The following RANBP3L variants were observed in gnomAD, a reference collection of about 807,000 sequenced individuals.
The protein encoded by RANBP3L is ran-binding protein 3-like.
A neutral mutation model predicts 67.2 loss-of-function variants in RANBP3L; 56 were observed. The ratio of observed to expected loss-of-function variants is 0.83; its 90% CI spans 0.67 to 1.04. The LOEUF is 1.04. RANBP3L is among the 50% of genes least tolerant of loss of function. The pLI, the probability that RANBP3L is intolerant of heterozygous loss-of-function variation, is 0.00. For missense variants in RANBP3L, 496 were observed against 535.5 expected (o/e 0.93, Z 0.73); for synonymous variants, 164 against 181.4 (o/e 0.90, Z 0.77).
At chr5:36,295,628 G>A (rs997965961) in intron 1 of RANBP3L, among the ~76,000 whole-genome samples, 1 of 150,020 alleles carries the variant, frequency 6.7e-6, no homozygotes, top group African/African-American at 2.5e-5. Flanking sequence ...AACAGTGCAC[G>A]AGGTTCCAAT....
chr5:36,286,829 G>GA (rs1379277325), intron 1 of RANBP3L, among the ~76,000 whole-genome samples: 1 of 152,122 alleles, frequency 6.6e-6, no homozygotes, highest in Non-Finnish European at 1.5e-5. Context: ...GATGTGGCAT[G>GA]ACCCACTCCC....
rs200289418 is a variant in RANBP3L at position 36,262,681 on chromosome 5, CG to C, written c.481-640del. Among the ~76,000 whole-genome samples the C allele has an allele frequency of 8.1e-3, 1,237 of 151,946 alleles. 10 individuals carry two copies. The highest frequency in any genetic ancestry group is 0.013 in the Non-Finnish European group (857 of 67,938). ...AGGAATTTGCAAAGATGTTTCAGGG[CG>C]TTTGTGTCTTTTAAAGCCAGATGGG... On this transcript the variant is annotated intron_variant, in intron 6 of 13. Transcript: ENST00000296604.
At chr5:36,273,065 T>C (rs1320591346) in intron 1 of RANBP3L, among the ~76,000 whole-genome samples, 2 of 152,216 alleles carry the variant, frequency 1.3e-5, no homozygotes, top group Non-Finnish European at 2.9e-5. Flanking sequence ...GCTCAATTCT[T>C]TGTTGTTTCT....
chr5:36,279,805 A>G (rs1750847903), intron 1 of RANBP3L, among the ~76,000 whole-genome samples: 1 of 152,198 alleles, frequency 6.6e-6, no homozygotes, highest in South Asian at 2.1e-4. Context: ...AACTCTGGGA[A>G]ATCTAGCATT....
intron 6 of RANBP3L, among the ~76,000 whole-genome samples, chr5:36,262,521 C>T (rs1749470363): frequency 1.3e-5 from 2 of 152,170 alleles, no homozygotes; most frequent in Non-Finnish European, 2.9e-5. Context: ...GTAACTTATC[C>T]AGTTACTTTG....
intron 1 of RANBP3L, 72 bp downstream of exon 1, chr5:36,301,246 TCACCAGCC>T (rs1752588341): frequency 9.3e-7 from 1 of 1,072,450 alleles, no homozygotes. Context: ...CCCGGGTCCT[TCACCAGCC>T]CACCATTCTT....
chr5:36,271,302 A>T lies in RANBP3L; in HGVS notation c.101T>A (p.Val34Asp). ...AAAAACAAATATGGGTTGAGCAATG[A>T]CAGATTTTTCTGTGAAAAAAAAGAA... The part of the protein sequence containing the change: ...QEDRRQQEKS[V>D]IAQPIFVFEK... The change falls in exon 2 of 14, where the codon GTC becomes GAC. Residue 34 changes from valine to aspartate, a missense_variant. By Grantham distance (152) the Val-to-Asp change is radical (BLOSUM62 -3). Transcript: ENST00000296604. The T allele has an allele frequency of 3.2e-6, 5 of 1,583,500 alleles. No homozygotes were observed. Among genetic ancestry groups the T allele is most frequent in the Non-Finnish European group, 4.3e-6 (5 of 1,153,990 alleles).
chr5:36,300,468 A>G (rs1322386980), intron 1 of RANBP3L, among the ~76,000 whole-genome samples: 1 of 152,188 alleles, frequency 6.6e-6, no homozygotes, highest in Non-Finnish European at 1.5e-5. Flanking sequence ...CACTCTCCAC[A>G]CCACTGAAAT....
intron 1 of RANBP3L, among the ~76,000 whole-genome samples, chr5:36,298,171 G>A (rs1013156957): frequency 3.3e-5 from 5 of 151,782 alleles, no homozygotes; most frequent in Non-Finnish European, 7.4e-5. Flanking sequence ...ATGGTGGAGT[G>A]TGCCTGTAGT....
intron 1 of RANBP3L, among the ~76,000 whole-genome samples, chr5:36,280,704 G>A (rs907111263): frequency 6.6e-6 from 1 of 152,162 alleles, no homozygotes; most frequent in African/African-American, 2.4e-5. Flanking sequence ...TCAGGGACTA[G>A]AATGGTTTTA....
At chr5:36,288,142 G>A (rs1038698388) in intron 1 of RANBP3L, among the ~76,000 whole-genome samples, 1 of 152,162 alleles carries the variant, frequency 6.6e-6, no homozygotes, top group African/African-American at 2.4e-5. Context: ...TTGCCCCAGT[G>A]TGTTCCTTGT....
intron 1 of RANBP3L, among the ~76,000 whole-genome samples, chr5:36,297,244 T>C (rs1251713858): frequency 6.6e-6 from 1 of 152,170 alleles, no homozygotes; most frequent in Non-Finnish European, 1.5e-5. Flanking sequence ...ATATATTTAC[T>C]GTTTATTAAG....
chr5:36,262,767 T>C (rs576682188), intron 6 of RANBP3L, among the ~76,000 whole-genome samples: 27 of 152,296 alleles, frequency 1.8e-4, no homozygotes, highest in Admixed American at 3.9e-4. Flanking sequence ...TACTTTTTCT[T>C]TTTTAACAAG....
intron 12 of RANBP3L, among the ~76,000 whole-genome samples, chr5:36,252,961 TAA>T (rs1426165144): frequency 2.0e-5 from 3 of 152,122 alleles, no homozygotes; most frequent in African/African-American, 7.2e-5. Context: ...TGAACTTGGG[TAA>T]TCAGTCTTCT....
At position 36,254,397 on chromosome 5, in the gene RANBP3L, A is replaced by T. The variant is rs193037017; in HGVS notation, c.1025-608T>A. On this transcript the variant is annotated intron_variant, in intron 11 of 13. Transcript: ENST00000296604. ...AGGCCTTTAAGTGACTTTAAAAAAA[A>T]TTTTTTCAATCCATGCTTTCTGTTT... Among the ~76,000 whole-genome samples the T allele has an allele frequency of 2.7e-3, 414 of 152,134 alleles. 1 individual carries two copies. The highest frequency in any genetic ancestry group is 7.0e-3 in the East Asian group (36 of 5,178).
intron 1 of RANBP3L, among the ~76,000 whole-genome samples, chr5:36,276,022 T>C (rs1218128987): frequency 6.6e-6 from 1 of 152,178 alleles, no homozygotes; most frequent in Non-Finnish European, 1.5e-5. Flanking sequence ...ACAAACCCCA[T>C]GCTGCTTGCC....
At chr5:36,277,781 C>G (rs1019413988) in intron 1 of RANBP3L, among the ~76,000 whole-genome samples, 1 of 152,028 alleles carries the variant, frequency 6.6e-6, no homozygotes, top group Non-Finnish European at 1.5e-5. Context: ...TCTGTTCTCA[C>G]GCTGTTGATA....
chr5:36,274,920 T>C (rs1350328750), intron 1 of RANBP3L, among the ~76,000 whole-genome samples: 1 of 152,080 alleles, frequency 6.6e-6, no homozygotes, highest in Non-Finnish European at 1.5e-5. Context: ...AATTAAAAGA[T>C]TAAAATACAG....
At chr5:36,276,246 C>A (rs1269495937) in intron 1 of RANBP3L, among the ~76,000 whole-genome samples, 1 of 152,146 alleles carries the variant, frequency 6.6e-6, no homozygotes, top group African/African-American at 2.4e-5. Flanking sequence ...TGCTTTAGTT[C>A]TTGGCCTTCA....
Sources: allele counts gnomAD v4.1 joint callset (sites outside exome capture counted in the v4.1 genomes callset), GRCh38; gene constraint gnomAD v4.1.1; transcripts MANE v1.5; gene names NCBI Gene and HGNC (gene_info 2026-07-23, HGNC 2026-07-21).